Variants in MAST4 observed in about 807,000 individuals in gnomAD.
MAST4 encodes the protein microtubule-associated serine/threonine-protein kinase 4.
A neutral mutation model predicts 162.7 loss-of-function variants in MAST4; 89 were observed. That is an observed-to-expected ratio of 0.55 (90% CI 0.46 to 0.65). MAST4 has a LOEUF of 0.65. MAST4 is among the 30% of genes least tolerant of loss of function. The pLI, the probability that MAST4 is intolerant of heterozygous loss-of-function variation, is 0.00. For missense variants in MAST4, 3,153 were observed against 3,374.0 expected (o/e 0.93, Z 1.62); for synonymous variants, 1,479 against 1,361.1 (o/e 1.09, Z -1.91).
At chr5:66,813,694 A>C (rs1263204880) in intron 3 of MAST4, among the ~76,000 whole-genome samples, 1 of 152,250 alleles carries the variant, frequency 6.6e-6, no homozygotes, top group Non-Finnish European at 1.5e-5. Context: ...ACTGCTAATT[A>C]CATGGCATTG....
At chr5:66,638,739 A>G (rs1015821009) in intron 1 of MAST4, among the ~76,000 whole-genome samples, 2 of 152,164 alleles carry the variant, frequency 1.3e-5, no homozygotes, top group Non-Finnish European at 2.9e-5. Context: ...CTCTGAATCT[A>G]TATGCCTACT....
At chr5:66,603,534 T>C (rs1189346533) in intron 1 of MAST4, among the ~76,000 whole-genome samples, 1 of 152,178 alleles carries the variant, frequency 6.6e-6, no homozygotes, top group Non-Finnish European at 1.5e-5. Context: ...TTGGTTCATA[T>C]AAGCATGAAA....
chr5:66,900,109 G>A, intron 4 of MAST4, 127 bp downstream of exon 4: 1 of 656,160 alleles, frequency 1.5e-6, no homozygotes, highest in Non-Finnish European at 2.3e-6. Flanking sequence ...ACAAAAAACT[G>A]AATTTATTTA....
intron 3 of MAST4, among the ~76,000 whole-genome samples, chr5:66,855,934 G>T (rs1759650214): frequency 6.6e-6 from 1 of 152,144 alleles, no homozygotes; most frequent in Non-Finnish European, 1.5e-5. Context: ...GGCTGAGTTG[G>T]GAGGATCACT....
At chr5:66,684,560 C>T (rs1748525946) in intron 1 of MAST4, among the ~76,000 whole-genome samples, 1 of 152,154 alleles carries the variant, frequency 6.6e-6, no homozygotes. Flanking sequence ...GTAGTAGGTG[C>T]ATATATGTTT....
At chr5:66,694,195 C>T (rs1384855297) in intron 1 of MAST4, among the ~76,000 whole-genome samples, 1 of 152,086 alleles carries the variant, frequency 6.6e-6, no homozygotes, top group African/African-American at 2.4e-5. Context: ...GGAATAGAGC[C>T]TGGAGCTTGG....
intron 1 of MAST4, among the ~76,000 whole-genome samples, chr5:66,757,606 CTT>C (rs1753618002): frequency 6.7e-6 from 1 of 149,104 alleles, no homozygotes; most frequent in African/African-American, 2.5e-5. Context: ...TATTCTTGTT[CTT>C]AGAACAGGCA....
intron 3 of MAST4, among the ~76,000 whole-genome samples, chr5:66,846,687 A>G (rs1190744005): frequency 6.6e-6 from 1 of 152,216 alleles, no homozygotes; most frequent in Non-Finnish European, 1.5e-5. Context: ...ATTAGTTGGT[A>G]TATGGAGAGT....
intron 4 of MAST4, among the ~76,000 whole-genome samples, chr5:67,036,706 A>G (rs1561560022): frequency 6.6e-6 from 1 of 152,214 alleles, no homozygotes; most frequent in Non-Finnish European, 1.5e-5. Context: ...ACAAGAAAAA[A>G]ATTGTATGTG....
intron 8 of MAST4, among the ~76,000 whole-genome samples, chr5:67,101,334 A>C (rs1170776950): frequency 6.6e-6 from 1 of 152,180 alleles, no homozygotes; most frequent in Non-Finnish European, 1.5e-5. Context: ...GACTTCTTTT[A>C]TATCCCTACC....
intron 2 of MAST4, among the ~76,000 whole-genome samples, chr5:66,763,118 T>A (rs1753927771): frequency 6.6e-6 from 1 of 152,130 alleles, no homozygotes; most frequent in Non-Finnish European, 1.5e-5. Context: ...GAGGTCACAG[T>A]CCTCACAACA....
intron 3 of MAST4, among the ~76,000 whole-genome samples, chr5:66,801,362 C>A (rs1211508378): frequency 6.6e-6 from 1 of 152,104 alleles, no homozygotes; most frequent in Non-Finnish European, 1.5e-5. Flanking sequence ...GCGGCTGTGA[C>A]TATCAGCCAA....
chr5:67,133,936 T>A (rs1479392058), intron 17 of MAST4, among the ~76,000 whole-genome samples: 3 of 152,168 alleles, frequency 2.0e-5, no homozygotes, highest in Non-Finnish European at 4.4e-5. Context: ...ACTGTTTTTG[T>A]AAGGAATTCA....
intron 2 of MAST4, among the ~76,000 whole-genome samples, chr5:66,784,231 C>T (rs1755007955): frequency 6.6e-6 from 1 of 152,146 alleles, no homozygotes; most frequent in Non-Finnish European, 1.5e-5. Flanking sequence ...AGGGAATGTG[C>T]TCCTGGCCAG....
rs76718495 is a variant in MAST4, at chr5:66,724,354, A to G, written c.364-35355A>G. Among the ~76,000 whole-genome samples, 1,449 of 152,296 alleles carry G rather than the reference A, an allele frequency of 9.5e-3. 21 individuals carry two copies. The highest frequency in any genetic ancestry group is 0.032 in the African/African-American group (1,342 of 41,566). The stretch of plus-strand genomic sequence containing the variant: ...CCCTGGTTAACTAGCATGTCACAAA[A>G]CAAGTTCTAAACTCAAATACAGTAA... On this transcript the variant is annotated intron_variant, in intron 1 of 28. Transcript: ENST00000403625.
chr5:67,034,521 G>A (rs746928656), intron 4 of MAST4, among the ~76,000 whole-genome samples: 21 of 152,100 alleles, frequency 1.4e-4, no homozygotes, highest in Non-Finnish European at 2.1e-4. Flanking sequence ...AGAGTCAGGC[G>A]GCCTTCCTGA....
Position 67,090,177 on chromosome 5 carries a change from A to G in MAST4, c.779A>G (p.Asp260Gly), listed in dbSNP as rs1463225970. The G allele has an allele frequency of 6.2e-7, 1 of 1,612,176 alleles. No homozygotes were observed. The highest frequency in any genetic ancestry group is 1.7e-5 in the Admixed American group (1 of 59,982). Residue 260 changes from aspartate to glycine, a missense_variant, in exon 6 of 29, where the codon GAT (aspartate) becomes GGT (glycine). Asp to Gly is a moderately conservative substitution (Grantham distance 94). This residue lies in a region of MAST4 where 360 missense variants were observed against 450.0 expected (regional missense o/e 0.80). Coordinates refer to ENST00000403625, the MANE Select transcript of MAST4 (RefSeq NM_001164664.2). ...LSAHAGNSPQ[D>G]SPRNFSPSAS... ...CTTTCTCTAGGAAATAGCCCTCAAG[A>G]TAGTCCAAGAAATTTCTCCCCCAGT...
At chr5:66,833,793 ATAATT>A (rs1757772913) in intron 3 of MAST4, among the ~76,000 whole-genome samples, 1 of 152,174 alleles carries the variant, frequency 6.6e-6, no homozygotes. Flanking sequence ...ATTATTTTAA[ATAATT>A]TAAAATTATT....
chr5:67,048,280 A>T (rs1757623713), intron 4 of MAST4, among the ~76,000 whole-genome samples: 1 of 152,282 alleles, frequency 6.6e-6, no homozygotes, highest in South Asian at 2.1e-4. Flanking sequence ...GAATAATCTA[A>T]AAAGGGAATG....
Sources: allele counts gnomAD v4.1 joint callset (sites outside exome capture counted in the v4.1 genomes callset), GRCh38; gene constraint gnomAD v4.1.1; regional missense constraint gnomAD v4.1.1; transcripts MANE v1.5; gene names NCBI Gene and HGNC (gene_info 2026-07-23, HGNC 2026-07-21).